The following DAGLB variants were observed in gnomAD, a reference collection of about 807,000 sequenced individuals.
DAGLB encodes diacylglycerol lipase beta, also known as diacylglycerol lipase-beta.
DAGLB carries 66 observed loss-of-function variants against 72.1 expected under a neutral mutation model. That is an observed-to-expected ratio of 0.92 (90% CI 0.75 to 1.12). DAGLB has a LOEUF of 1.12. Ranked by LOEUF, DAGLB falls within the 50% of genes most tolerant of loss-of-function variation. The pLI is 0.00. For missense variants in DAGLB, 1,065 were observed against 884.9 expected, an observed-to-expected ratio of 1.20 and a Z score of -2.58; for synonymous variants, 414 against 359.5, an observed-to-expected ratio of 1.15 and a Z score of -1.71.
chr7:6,423,469 G>A (rs375396124), intron 8 of DAGLB, among the ~76,000 whole-genome samples: 4 of 152,262 alleles, frequency 2.6e-5, no homozygotes, highest in African/African-American at 4.8e-5. Context: ...CTGTCGCCAC[G>A]CTGGAGTGCA....
intron 4 of DAGLB, 35 bp from the exon 5 acceptor site, chr7:6,432,994 C>T: frequency 1.2e-6 from 2 of 1,602,310 alleles, no homozygotes; most frequent in South Asian, 2.2e-5. Flanking sequence ...GTCATAAAAC[C>T]CAGCAGGCAC....
intron 9 of DAGLB, among the ~76,000 whole-genome samples, chr7:6,419,049 T>A (rs969271970): frequency 2.0e-5 from 3 of 151,140 alleles, no homozygotes; most frequent in African/African-American, 7.3e-5. Flanking sequence ...TAAAAAGGCT[T>A]CAACACTCTG....
At chr7:6,446,191 G>T in intron 1 of DAGLB, 87 bp from the exon 2 acceptor site, 2 of 1,404,760 alleles carry the variant, frequency 1.4e-6, no homozygotes, top group Non-Finnish European at 1.9e-6. Flanking sequence ...AAAGGGGACA[G>T]GGCGCGGTGG....
chr7:6,413,800 C>G (rs771453680), intron 11 of DAGLB, among the ~76,000 whole-genome samples: 1 of 152,218 alleles, frequency 6.6e-6, no homozygotes, highest in Non-Finnish European at 1.5e-5. Context: ...TCCCGCACAG[C>G]TGGGAGAAGG....
chr7:6,420,570 G>T (rs900461533), intron 9 of DAGLB, among the ~76,000 whole-genome samples: 1 of 152,200 alleles, frequency 6.6e-6, no homozygotes, highest in Non-Finnish European at 1.5e-5. Context: ...GGCCGTGGAA[G>T]GGAGGAAGCG....
intron 9 of DAGLB, among the ~76,000 whole-genome samples, chr7:6,420,795 C>T (rs1302479230): frequency 6.6e-6 from 1 of 152,216 alleles, no homozygotes; most frequent in Non-Finnish European, 1.5e-5. Context: ...GGTTTTCATT[C>T]CTTCGGGAGG....
intron 6 of DAGLB, among the ~76,000 whole-genome samples, chr7:6,428,934 A>C (rs990843925): frequency 2.0e-4 from 31 of 152,220 alleles, no homozygotes; most frequent in African/African-American, 7.2e-4. Context: ...CCTCCCAAGC[A>C]CCTGGGACTA....
At chr7:6,412,308 A>G (rs367906634) in intron 13 of DAGLB, among the ~76,000 whole-genome samples, 37 of 151,898 alleles carry the variant, frequency 2.4e-4, no homozygotes, top group African/African-American at 7.2e-4. Flanking sequence ...GTGTAGATAA[A>G]TGTGCCTGTA....
At chr7:6,444,038 G>A (rs548800725) in intron 2 of DAGLB, among the ~76,000 whole-genome samples, 1 of 152,130 alleles carries the variant, frequency 6.6e-6, no homozygotes, top group Non-Finnish European at 1.5e-5. Flanking sequence ...AGACCGAGAC[G>A]AGAGGATCAC....
intron 11 of DAGLB, chr7:6,416,401 G>A (rs996249029): frequency 2.0e-5 from 9 of 457,908 alleles, no homozygotes; most frequent in African/African-American, 1.2e-4. Flanking sequence ...AAAATTAGCC[G>A]GCATGCTGGC....
chr7:6,424,615 C>T (rs775831631), intron 8 of DAGLB, 137 bp downstream of exon 8: 2 of 779,022 alleles, frequency 2.6e-6, no homozygotes, highest in Non-Finnish European at 4.3e-6. Flanking sequence ...CAACCCCAGG[C>T]TCACATCCTC....
chr7:6,416,752 C>G lies in DAGLB; in HGVS notation c.1302G>C (p.Glu434Asp). Reference protein sequence around the residue: ...ILSQAFSIAPEYRLVIVGHSL... With the variant: ...ILSQAFSIAPDYRLVIVGHSL... The stretch of plus-strand genomic sequence containing the variant: ...TGTGGCCCACTATGACCAGCCGGTA[C>G]TCCTAGAGGACAGACAGCAGAATGA... The change falls in exon 11 of 15, where the codon GAG becomes GAC. Residue 434 changes from glutamate (E) to aspartate (D), a missense_variant and splice_region_variant. Transcript: ENST00000297056. The G allele has an allele frequency of 6.2e-7, 1 of 1,613,746 alleles. No individual in the cohort carries two copies. The highest frequency in any genetic ancestry group is 8.5e-7 in the Non-Finnish European group (1 of 1,179,818).
chr7:6,409,882 G>A lies in DAGLB; in HGVS notation c.1974C>T (p.Cys658=), dbSNP rs763916685. The A allele has an allele frequency of 1.1e-5, 17 of 1,613,938 alleles. No individual in the cohort carries two copies. The East Asian group carries it at 1.1e-4, about 11-fold the overall frequency. The change falls in exon 15 of 15, where the codon TGC becomes TGT. Residue 658 remains cysteine (C), a synonymous_variant. Coordinates refer to ENST00000297056, the MANE Select transcript of DAGLB (RefSeq NM_139179.4). ...AGACCCCTTGTGCTGGACAGGAGAC[G>A]CAGGCCGCTCTGTCGGAGACCACGC... The part of the protein sequence containing the change: ...LDSVVSDRAA[C]VSCPAQGVSS...
chr7:6,412,774 G>A (rs772571538), intron 13 of DAGLB, 37 bp downstream of exon 13: 6 of 1,557,514 alleles, frequency 3.9e-6, no homozygotes, highest in East Asian at 2.4e-5. Flanking sequence ...GACAGGCCCC[G>A]TGTCCTGCTG....
chr7:6,447,583 T>C (rs1785050900), intron 1 of DAGLB, among the ~76,000 whole-genome samples, 165 bp downstream of exon 1: 1 of 152,124 alleles, frequency 6.6e-6, no homozygotes. Context: ...ACAGCACCAC[T>C]GCCCACCTCT....
chr7:6,435,889 G>A (rs1393255825), intron 3 of DAGLB, among the ~76,000 whole-genome samples: 2 of 152,124 alleles, frequency 1.3e-5, no homozygotes, highest in South Asian at 2.1e-4. Flanking sequence ...TTAAGGGGGC[G>A]GGACTGGATC....
intron 5 of DAGLB, among the ~76,000 whole-genome samples, chr7:6,431,018 A>T (rs1784471768): frequency 6.6e-6 from 1 of 152,058 alleles, no homozygotes; most frequent in South Asian, 2.1e-4. Flanking sequence ...TCAGGTGATC[A>T]ACCTGCCTTG....
rs1482992870 is a variant in DAGLB, at chr7:6,425,840, T to A, written c.1056+148A>T. 3 of 1,346,180 alleles carry A rather than the reference T, an allele frequency of 2.2e-6. No homozygotes were observed. The African/African-American group carries it at 4.4e-5, about 20-fold the overall frequency. 83.4% of individuals were successfully genotyped at this position (1,346,180 alleles called of 1,614,324 possible). A position where few individuals can be genotyped will look rare whatever the true frequency, so the allele number is the denominator to read the frequency against. ...GCATCTGTGTGGCTCCCCCAGAGTC[T>A]GTGGCCCCTCTGAAATAGTACACAG... On this transcript the variant is annotated intron_variant, in intron 7 of 14. Transcript: ENST00000297056.
At chr7:6,426,799 T>C (rs994303111) in intron 6 of DAGLB, among the ~76,000 whole-genome samples, 6 of 152,192 alleles carry the variant, frequency 3.9e-5, no homozygotes, top group African/African-American at 1.4e-4. Context: ...TTTTGAGTAC[T>C]GTGCTCTACG....
Sources: allele counts gnomAD v4.1 joint callset (sites outside exome capture counted in the v4.1 genomes callset), GRCh38; gene constraint gnomAD v4.1.1; transcripts MANE v1.5; gene names NCBI Gene and HGNC (gene_info 2026-07-23, HGNC 2026-07-21).